GOSR2: variants seen among roughly 807,000 people sequenced by gnomAD.
GOSR2 encodes the protein 27 kDa Golgi SNARE protein.
Under a neutral mutation model 27.9 loss-of-function variants are expected in GOSR2, and 20 were observed. That is an observed-to-expected ratio of 0.72 (90% CI 0.50 to 1.04). The LOEUF (loss-of-function observed/expected upper bound fraction) is 1.04, where lower values mean the gene tolerates loss of function less well. Among genes scored for constraint, GOSR2 ranks in the 50% least tolerant of loss-of-function variants. GOSR2 has a pLI of 0.00. For synonymous variants in GOSR2, 91 were observed against 98.8 expected (o/e 0.92, Z 0.47); for missense variants, 261 against 270.5 (o/e 0.97, Z 0.25).
At position 46,941,529 on chromosome 17, in the gene GOSR2, A is replaced by G; in HGVS notation, c.*2769A>G. On this transcript the variant is annotated 3_prime_UTR_variant, in exon 6 of 6. Coordinates refer to ENST00000640051, the MANE Select transcript of GOSR2 (RefSeq NM_004287.5). ...TTAAAATTACATATTCCTGGGGCCT[A>G]CCCCAGATCTGAATTAGAACCTTTT... 2.4e-6 allele frequency: 1 copy of G among 408,734 alleles called. No homozygotes were observed. The highest frequency in any genetic ancestry group is 3.3e-6 in the Non-Finnish European group (1 of 303,086). The allele number at this position is 408,734 out of a possible 1,614,324, so 25.3% of individuals were successfully genotyped here. A position where few individuals can be genotyped will look rare whatever the true frequency, so the allele number is the denominator to read the frequency against.
chr17:46,941,577 T>C lies in GOSR2; in HGVS notation c.*2817T>C. 3.9e-6 allele frequency: 1 copy of C among 255,028 alleles called. No homozygotes were observed. Among genetic ancestry groups the C allele is most frequent in the Non-Finnish European group, 6.2e-6 (1 of 162,310 alleles). 15.8% of individuals were successfully genotyped at this position (255,028 alleles called of 1,614,324 possible). On this transcript the variant is annotated 3_prime_UTR_variant, in exon 6 of 6. Coordinates refer to ENST00000640051, the MANE Select transcript of GOSR2 (RefSeq NM_004287.5). ...TTTTTAAATCTCTAAGGTGATTTTA[T>C]TTTATTTTTTATTTTTGAGACAGTC...
At chr17:46,930,761 A>C (rs1239723492) in intron 2 of GOSR2, 1 of 226,698 alleles carries the variant, frequency 4.4e-6, no homozygotes, top group Admixed American at 5.2e-5. Context: ...AGGAAAAGAG[A>C]CCTATATCAG....
chr17:46,939,723 A>G lies in GOSR2; in HGVS notation c.*963A>G. On this transcript the variant is annotated 3_prime_UTR_variant, in exon 6 of 6. Transcript: ENST00000640051. ...TGTGGGCAGATCCCACCGTGGAGACATCTGTAGTGTGTATGTCCTTGTAAC... is the reference window on the plus strand; with the variant it reads ...TGTGGGCAGATCCCACCGTGGAGACGTCTGTAGTGTGTATGTCCTTGTAAC... 1.0e-6 allele frequency: 1 copy of G among 986,520 alleles called. No homozygotes were observed. Among genetic ancestry groups the G allele is most frequent in the Non-Finnish European group, 1.2e-6 (1 of 830,740 alleles). The allele number at this position is 986,520 out of a possible 1,614,324, so 61.1% of individuals were successfully genotyped here.
intron 6 of GOSR2, among the ~76,000 whole-genome samples, chr17:46,957,350 C>G (rs1232443575): frequency 3.9e-5 from 6 of 152,148 alleles, no homozygotes; most frequent in African/African-American, 1.2e-4. Flanking sequence ...CTGTGGCTCA[C>G]GCCTGTATTC....
In GOSR2 at chr17:46,925,405, C is replaced by G. The variant is rs574022364; in HGVS notation, c.29+2184C>G. Among the ~76,000 whole-genome samples the G allele has an allele frequency of 5.9e-5, 9 of 152,372 alleles. No homozygotes were observed. In the South Asian group the frequency reaches 6.2e-4, roughly 11 times the overall value. ...TGCACCATTCTCAGTGCTGGCAGCA[C>G]AGCCCTGCCCTCGAGGAGTTTACCT... On this transcript the variant is annotated intron_variant, in intron 1 of 5. Coordinates refer to ENST00000640051, the MANE Select transcript of GOSR2 (RefSeq NM_004287.5).
chr17:46,941,286 A>G lies in GOSR2; in HGVS notation c.*2526A>G. Reference sequence around the variant, plus strand: ...GCCCTGATGAATTTGAATGGGTTTGATTTGCAAATTTGGATTTACACCCAT... The same window carrying G: ...GCCCTGATGAATTTGAATGGGTTTGGTTTGCAAATTTGGATTTACACCCAT... On this transcript the variant is annotated 3_prime_UTR_variant, in exon 6 of 6. Coordinates refer to ENST00000640051, the MANE Select transcript of GOSR2 (RefSeq NM_004287.5). The G allele has an allele frequency of 1.0e-6, 1 of 985,874 alleles. No individual in the cohort carries two copies. The highest frequency in any genetic ancestry group is 1.2e-6 in the Non-Finnish European group (1 of 830,254). The allele number at this position is 985,874 out of a possible 1,614,324, so 61.1% of individuals were successfully genotyped here. A position where few individuals can be genotyped will look rare whatever the true frequency, so the allele number is the denominator to read the frequency against.
rs1440339547 is a variant in GOSR2 at position 46,938,780 on chromosome 17, T to TGAA, written c.*21_*23dup. 1.7e-5 allele frequency: 28 copies of TGAA among 1,613,484 alleles called. No homozygotes were observed. Among genetic ancestry groups the TGAA allele is most frequent in the Middle Eastern group, 1.7e-4 (1 of 5,742 alleles). Reference sequence around the variant, plus strand: ...ACATGAGCCAGCCACGCTCAGTGGCTGAACAGCATTCCCACAGCCTGCAAG... The same window carrying TGAA: ...ACATGAGCCAGCCACGCTCAGTGGCTGAAGAACAGCATTCCCACAGCCTGCAAG... On this transcript the variant is annotated 3_prime_UTR_variant, in exon 6 of 6. Coordinates refer to ENST00000640051, the MANE Select transcript of GOSR2 (RefSeq NM_004287.5).
chr17:46,929,419 T>G, intron 1 of GOSR2, 101 bp from the exon 2 acceptor site: 1 of 750,446 alleles, frequency 1.3e-6, no homozygotes, highest in Non-Finnish European at 2.4e-6. Context: ...ATGCTGTCGA[T>G]TTAAATCAGT....
intron 6 of GOSR2, among the ~76,000 whole-genome samples, chr17:46,959,968 A>G (rs4968289): frequency 0.94 from 143,028 of 152,276 alleles, 67,831 homozygotes; most frequent in East Asian, 1. Flanking sequence ...AGTGGCCACA[A>G]TAGTCCAGAT....
chr17:46,926,148 A>C (rs2086460679), intron 1 of GOSR2, among the ~76,000 whole-genome samples: 1 of 152,224 alleles, frequency 6.6e-6, no homozygotes, highest in African/African-American at 2.4e-5. Flanking sequence ...AGCGGAGCTT[A>C]AGAACTATTA....
Position 46,940,707 on chromosome 17 carries a change from CCA to C in GOSR2, c.*1951_*1952del. ...TTTTCGTGGTGTGCACCAGTGCTTT[CCA>C]CACTTGACAGTGGTTGGCTTTGATG... On this transcript the variant is annotated 3_prime_UTR_variant, in exon 6 of 6. Transcript: ENST00000640051. The C allele has an allele frequency of 1.9e-6, 3 of 1,606,012 alleles. No individual in the cohort carries two copies. Among genetic ancestry groups the C allele is most frequent in the Non-Finnish European group, 2.5e-6 (3 of 1,178,620 alleles).
In GOSR2 at chr17:46,939,563, T is replaced by G; in HGVS notation, c.*803T>G. ...TTGTGGGCCTTTGCCCCTTAGAAAG[T>G]AGCTGTAGGCAAAGATTTGTGATTT... is the stretch of plus-strand genomic sequence containing the variant. On this transcript the variant is annotated 3_prime_UTR_variant, in exon 6 of 6. Coordinates refer to ENST00000640051, the MANE Select transcript of GOSR2 (RefSeq NM_004287.5). The G allele has an allele frequency of 1.0e-6, 1 of 985,382 alleles. No individual in the cohort carries two copies. Among genetic ancestry groups the G allele is most frequent in the Non-Finnish European group, 1.2e-6 (1 of 829,860 alleles). 61.0% of individuals were successfully genotyped at this position (985,382 alleles called of 1,614,324 possible).
At chr17:46,967,356 A>G (rs1013885224), downstream of GOSR2, among the ~76,000 whole-genome samples, 1 of 152,236 alleles carries the variant, frequency 6.6e-6, no homozygotes, top group Non-Finnish European at 1.5e-5. Context: ...GAGTTAATAC[A>G]TGAACAGAGG....
chr17:46,943,173 C>T (rs547303391), downstream of GOSR2, among the ~76,000 whole-genome samples: 2 of 152,176 alleles, frequency 1.3e-5, no homozygotes, highest in South Asian at 2.1e-4. Flanking sequence ...TTCCCCTGGC[C>T]GCACCGTGGG....
Position 46,940,419 on chromosome 17 carries a change from G to C in GOSR2, c.*1659G>C. 6.3e-7 allele frequency: 1 copy of C among 1,596,358 alleles called. No homozygotes were observed. Reference sequence around the variant, plus strand: ...TTGCAGCATCTTTAGACCTAGATCTGTCTAACTCTGGGGAGGCACATTGAC... The same window carrying C: ...TTGCAGCATCTTTAGACCTAGATCTCTCTAACTCTGGGGAGGCACATTGAC... On this transcript the variant is annotated 3_prime_UTR_variant, in exon 6 of 6. Coordinates refer to ENST00000640051, the MANE Select transcript of GOSR2 (RefSeq NM_004287.5).
At chr17:46,936,589 G>A in intron 5 of GOSR2, 1 of 985,476 alleles carries the variant, frequency 1.0e-6, no homozygotes, top group Non-Finnish European at 1.2e-6. Context: ...GGGCATGAAG[G>A]GGCTAGGCTG....
intron 6 of GOSR2, chr17:46,964,338 C>T (rs1166989738): frequency 6.6e-6 from 1 of 152,300 alleles, no homozygotes; most frequent in African/African-American, 2.4e-5. Context: ...TGAAATCTCT[C>T]TCCAGCTGCA....
At chr17:46,963,991 A>T (rs1323138358) in intron 6 of GOSR2, 2 of 152,008 alleles carry the variant, frequency 1.3e-5, no homozygotes, top group Non-Finnish European at 1.5e-5. Context: ...TAATTGACTT[A>T]TTTTTTGTAG....
chr17:46,971,324 G>A (rs1288666650), downstream of GOSR2, among the ~76,000 whole-genome samples: 4 of 152,096 alleles, frequency 2.6e-5, no homozygotes, highest in East Asian at 1.9e-4. Flanking sequence ...GCAACAGAGC[G>A]AGACTCCTTC....
Sources: gnomAD v4.1 joint callset for allele counts (sites outside exome capture counted in the v4.1 genomes callset) on GRCh38, gnomAD v4.1.1 for gene constraint, MANE v1.5 for transcripts, NCBI Gene and HGNC (gene_info 2026-07-23, HGNC 2026-07-21) for gene names.